Variants in RASSF2 observed in about 807,000 individuals in gnomAD.
The protein encoded by RASSF2 is ras association domain-containing protein 2.
A neutral mutation model predicts 46.3 loss-of-function variants in RASSF2; 34 were observed. That is an observed-to-expected ratio of 0.73 (90% confidence interval 0.56 to 0.98). The LOEUF is 0.98. RASSF2 is among the 50% of genes least tolerant of loss of function. The pLI, the probability that RASSF2 is intolerant of heterozygous loss-of-function variation, is 0.00. For missense variants in RASSF2, 364 were observed against 431.2 expected, an observed-to-expected ratio of 0.84 and a Z score of 1.38; for synonymous variants, 158 against 162.5, an observed-to-expected ratio of 0.97 and a Z score of 0.21.
intron 2 of RASSF2, among the ~76,000 whole-genome samples, chr20:4,804,132 G>C (rs529045367): frequency 3.9e-5 from 6 of 152,036 alleles, no homozygotes; most frequent in African/African-American, 4.8e-5. Context: ...TTGGTAACTT[G>C]TTACTGCCGG....
intron 2 of RASSF2, among the ~76,000 whole-genome samples, chr20:4,819,453 A>G (rs750559415): frequency 6.6e-5 from 10 of 152,188 alleles, no homozygotes; most frequent in Non-Finnish European, 1.5e-4. Flanking sequence ...ACTATGAGCA[A>G]TTGAGATTCG....
chr20:4,804,158 C>T (rs1486677310), intron 2 of RASSF2, among the ~76,000 whole-genome samples: 1 of 152,076 alleles, frequency 6.6e-6, no homozygotes, highest in Non-Finnish European at 1.5e-5. Context: ...ATGGGTGATT[C>T]CATTCAGAAA....
At chr20:4,792,755 C>T in intron 5 of RASSF2, 128 bp from the exon 6 acceptor site, 1 of 1,458,994 alleles carries the variant, frequency 6.9e-7, no homozygotes, top group Non-Finnish European at 9.1e-7. Context: ...GGTACTGGCA[C>T]ACATCAGGTG....
chr20:4,819,294 T>TAA lies in RASSF2; in HGVS notation c.-33+3033_-33+3034dup, dbSNP rs1928540343. 1.3e-5 allele frequency among the ~76,000 whole-genome samples: 2 copies of TAA among 152,178 alleles called. 1 individual carries two copies. The highest frequency in any genetic ancestry group is 2.9e-5 in the Non-Finnish European group (2 of 68,028). On this transcript the variant is annotated intron_variant, in intron 2 of 11. Transcript: ENST00000379400. ...TGAGACTTTTAATGACTTTTAACTA[T>TAA]AAGTTAAAGCCTGTCTTAGGTTGGT... is the stretch of plus-strand genomic sequence containing the variant.
intron 3 of RASSF2, 136 bp from the exon 4 acceptor site, chr20:4,798,221 C>A: frequency 1.5e-6 from 2 of 1,324,422 alleles, no homozygotes; most frequent in South Asian, 1.4e-5. Context: ...TACATACACA[C>A]ACATGCACAT....
At chr20:4,815,518 T>C (rs529994991) in intron 2 of RASSF2, among the ~76,000 whole-genome samples, 1 of 152,304 alleles carries the variant, frequency 6.6e-6, no homozygotes, top group Admixed American at 6.5e-5. Context: ...GATGGGTATT[T>C]AGCAGGGCAA....
rs999842910 is a variant in RASSF2 at position 4,784,328 on chromosome 20, C to T, written c.926G>A (p.Arg309Gln). The T allele has an allele frequency of 1.5e-5, 25 of 1,613,678 alleles. No individual in the cohort carries two copies. Among genetic ancestry groups the T allele is most frequent in the East Asian group, 4.5e-5 (2 of 44,874 alleles). The change falls in exon 12 of 12, where the codon CGG becomes CAG. Residue 309 changes from arginine to glutamine, a missense_variant. Coordinates refer to ENST00000379400, the MANE Select transcript of RASSF2 (RefSeq NM_014737.3). ...KKLMRKYTVL[R>Q]LMIRQRLEEI... ...CTCCAGCCTCTGTCGAATCATTAGC[C>T]GGAGCACGGTGTACCTGGAGACAAG...
Position 4,795,955 on chromosome 20 carries a change from C to T in RASSF2, c.147G>A (p.Glu49=), listed in dbSNP as rs377687139. The change falls in exon 5 of 12, where the codon GAG becomes GAA. Residue 49 remains glutamate (E), a synonymous_variant. Coordinates refer to ENST00000379400, the MANE Select transcript of RASSF2 (RefSeq NM_014737.3). The surrounding 1 kb of genome is among the most constrained non-coding windows in gnomAD (Gnocchi z 4.0). ...LQLRHREEED[E]FIVEGLLNIS... ...TGTTCAGGAGCCCCTCCACAATGAA[C>T]TCGTCTTCTTCCTGCCCACAAAGCA... 2.0e-6 allele frequency: 3 copies of T among 1,526,210 alleles called. No individual in the cohort carries two copies. The highest frequency in any genetic ancestry group is 1.2e-5 in the South Asian group (1 of 81,618). The allele number at this position is 1,526,210 out of a possible 1,614,324, so 94.5% of individuals were successfully genotyped here.
chr20:4,791,693 G>A (rs1056491973), intron 6 of RASSF2, among the ~76,000 whole-genome samples: 1 of 152,156 alleles, frequency 6.6e-6, no homozygotes. Flanking sequence ...AATCCTACAC[G>A]CTGACAAATG....
chr20:4,819,118 A>C (rs562424953), intron 2 of RASSF2, among the ~76,000 whole-genome samples: 1 of 152,152 alleles, frequency 6.6e-6, no homozygotes, highest in East Asian at 1.9e-4. Context: ...GCCCGCCACC[A>C]TGCCCGGATA....
intron 2 of RASSF2, among the ~76,000 whole-genome samples, chr20:4,801,784 G>C (rs1926892843): frequency 6.6e-6 from 1 of 152,050 alleles, no homozygotes; most frequent in Non-Finnish European, 1.5e-5. Context: ...CTTCGCCCAG[G>C]CTGGAGTGCA....
chr20:4,813,313 T>C (rs1927992242), intron 2 of RASSF2, among the ~76,000 whole-genome samples: 1 of 152,042 alleles, frequency 6.6e-6, no homozygotes, highest in African/African-American at 2.4e-5. Context: ...CATGTCAGCC[T>C]ACGAAGCCGC....
chr20:4,788,382 G>T, intron 8 of RASSF2, 114 bp from the exon 9 acceptor site: 1 of 917,654 alleles, frequency 1.1e-6, no homozygotes, highest in South Asian at 1.4e-5. Context: ...CTGTTTTGAG[G>T]GGAGAGCTAT....
At chr20:4,805,450 G>A (rs1056079598) in intron 2 of RASSF2, among the ~76,000 whole-genome samples, 4 of 152,100 alleles carry the variant, frequency 2.6e-5, no homozygotes, top group Admixed American at 6.6e-5. Context: ...CCCCTGGTGC[G>A]AGCAGAGCCC....
At chr20:4,803,469 G>T (rs926783040) in intron 2 of RASSF2, among the ~76,000 whole-genome samples, 2 of 152,096 alleles carry the variant, frequency 1.3e-5, no homozygotes, top group African/African-American at 4.8e-5. Flanking sequence ...ATCAATTAGC[G>T]TTGGCCAGGC....
At chr20:4,787,898 T>C in intron 9 of RASSF2, 144 bp from the exon 10 acceptor site, 1 of 1,063,688 alleles carries the variant, frequency 9.4e-7, no homozygotes, top group Non-Finnish European at 1.4e-6. Flanking sequence ...CCATAGGTGT[T>C]GTGAAAAGCA....
intron 2 of RASSF2, among the ~76,000 whole-genome samples, chr20:4,814,674 A>G (rs533654322): frequency 7.0e-4 from 106 of 152,242 alleles, no homozygotes; most frequent in African/African-American, 2.3e-3. Flanking sequence ...TCATTGCGGC[A>G]TATCTGACAT....
rs190321341 is a variant in RASSF2, at chr20:4,802,181, C to A, written c.-32-1119G>T. Reference sequence around the variant, plus strand: ...CAAATCCCTGGGCTCCCTCGATCCCCCCGCCTCAGCCTCCCGAGTAGCTGG... The same window carrying A: ...CAAATCCCTGGGCTCCCTCGATCCCACCGCCTCAGCCTCCCGAGTAGCTGG... On this transcript the variant is annotated intron_variant, in intron 2 of 11. Transcript: ENST00000379400. 1.7e-3 allele frequency among the ~76,000 whole-genome samples: 255 copies of A among 152,308 alleles called. 7 individuals carry two copies. The highest frequency in any genetic ancestry group is 0.014 in the Admixed American group (221 of 15,302).
intron 2 of RASSF2, among the ~76,000 whole-genome samples, chr20:4,821,572 C>T (rs1600032025): frequency 6.6e-6 from 1 of 152,144 alleles, no homozygotes; most frequent in African/African-American, 2.4e-5. Context: ...CTAGGCTGCA[C>T]CCCAACACTT....
Sources: allele counts gnomAD v4.1 joint callset (sites outside exome capture counted in the v4.1 genomes callset), GRCh38; gene constraint gnomAD v4.1.1; non-coding constraint Gnocchi (gnomAD v3.1); transcripts MANE v1.5; gene names NCBI Gene and HGNC (gene_info 2026-07-23, HGNC 2026-07-21).